Variants in ERBIN observed in about 807,000 individuals in gnomAD.
The protein encoded by ERBIN is erbb2 interacting protein.
A neutral mutation model predicts 158.4 loss-of-function variants in ERBIN; 60 were observed. The ratio of observed to expected loss-of-function variants is 0.38; its 90% CI spans 0.31 to 0.47. The LOEUF (loss-of-function observed/expected upper bound fraction) is 0.47. Ranked by LOEUF, ERBIN falls within the 20% of genes least tolerant of loss-of-function variation. ERBIN has a pLI of 0.99. For missense variants in ERBIN, 1,610 were observed against 1,648.0 expected, an observed-to-expected ratio of 0.98 and a Z score of 0.40; for synonymous variants, 594 against 557.2, an observed-to-expected ratio of 1.07 and a Z score of -0.93.
In ERBIN at chr5:66,078,405, G is replaced by A. The variant is rs549948333; in HGVS notation, c.4132-18G>A. 6.3e-6 allele frequency: 9 copies of A among 1,434,618 alleles called. No individual in the cohort carries two copies. In the Admixed American group the frequency reaches 1.7e-4, roughly 27 times the overall value. The allele number at this position is 1,434,618 out of a possible 1,614,324, so 88.9% of individuals were successfully genotyped here. On this transcript the variant is annotated intron_variant, in intron 25 of 25. Transcript: ENST00000284037. ...TAACTATAAAATGTTTTTCCTAAAA[G>A]CATTTTTCCTCTTCTAGGCTAATGG...
intron 2 of ERBIN, among the ~76,000 whole-genome samples, chr5:65,988,883 T>C (rs1222711292): frequency 6.8e-6 from 1 of 146,406 alleles, no homozygotes; most frequent in Non-Finnish European, 1.5e-5. Context: ...CTTGGGAGGC[T>C]GAGGTGGGAG....
chr5:66,061,730 G>A (rs1459811804), intron 21 of ERBIN, among the ~76,000 whole-genome samples: 1 of 152,156 alleles, frequency 6.6e-6, no homozygotes, highest in African/African-American at 2.4e-5. Context: ...CTCTTTTAGG[G>A]CAGGCCTGGT....
chr5:66,076,747 A>T lies in ERBIN; in HGVS notation c.4057-128A>T, dbSNP rs1762016366. 5.6e-6 allele frequency: 4 copies of T among 707,978 alleles called. No homozygotes were observed. In the Admixed American group the frequency reaches 1.1e-4, roughly 19 times the overall value. The allele number at this position is 707,978 out of a possible 1,614,324, so 43.9% of individuals were successfully genotyped here. A position where few individuals can be genotyped will look rare whatever the true frequency, so the allele number is the denominator to read the frequency against. On this transcript the variant is annotated intron_variant, in intron 24 of 25. Transcript: ENST00000284037. ...TAACTAGTTTGTTACAGTATTACTCAGAGAAGTCAGGGAGAAAACTTGTAC... is the reference window on the plus strand; with the variant it reads ...TAACTAGTTTGTTACAGTATTACTCTGAGAAGTCAGGGAGAAAACTTGTAC...
chr5:66,056,953 T>G (rs1759645091), intron 21 of ERBIN, among the ~76,000 whole-genome samples: 1 of 152,214 alleles, frequency 6.6e-6, no homozygotes, highest in Non-Finnish European at 1.5e-5. Flanking sequence ...TTATTCTCCA[T>G]GTCTTTCTTA....
chr5:66,026,788 G>A (rs1756303844), intron 13 of ERBIN, among the ~76,000 whole-genome samples: 1 of 151,858 alleles, frequency 6.6e-6, no homozygotes, highest in African/African-American at 2.4e-5. Context: ...ATCATACGGT[G>A]GTTGTTACTG....
Position 65,992,895 on chromosome 5 carries a change from A to C in ERBIN, c.177A>C (p.Glu59Asp). 6.3e-7 allele frequency: 1 copy of C among 1,596,174 alleles called. No individual in the cohort carries two copies. The highest frequency in any genetic ancestry group is 8.5e-7 in the Non-Finnish European group (1 of 1,173,964). ...TCTATTTAGATGCTAATCAGATTGA[A>C]GAGCTTCCAAAGGTATGCTAATACT... ...EELYLDANQI[E>D]ELPKQLFNCQ... The change falls in exon 3 of 26, where the codon GAA becomes GAC. Residue 59 changes from glutamate (E) to aspartate (D), a missense_variant. Glu to Asp is a conservative substitution (Grantham distance 45). Transcript: ENST00000284037.
chr5:66,069,456 A>T (rs907232985), intron 21 of ERBIN, among the ~76,000 whole-genome samples: 4 of 152,256 alleles, frequency 2.6e-5, no homozygotes, highest in African/African-American at 9.6e-5. Context: ...AATGTTAATC[A>T]TAATTCACTG....
At chr5:65,928,246 CT>C (rs368780657) in intron 1 of ERBIN, among the ~76,000 whole-genome samples, 32 of 143,248 alleles carry the variant, frequency 2.2e-4, no homozygotes, top group Non-Finnish European at 3.1e-4. Context: ...TCAGGAGATT[CT>C]TTTTTTTTTT....
intron 1 of ERBIN, among the ~76,000 whole-genome samples, chr5:65,939,802 G>A (rs1293016717): frequency 6.6e-6 from 1 of 152,254 alleles, no homozygotes; most frequent in Non-Finnish European, 1.5e-5. Context: ...GCCAGCCTCG[G>A]CCTCCCGAGG....
In ERBIN at chr5:65,948,762, G is replaced by GTTTTTTTTTTTT. The variant is rs59712256; in HGVS notation, c.-58+21964_-58+21975dup. 4.7e-5 allele frequency among the ~76,000 whole-genome samples: 5 copies of GTTTTTTTTTTTT among 105,618 alleles called. 1 individual carries two copies. Among genetic ancestry groups the GTTTTTTTTTTTT allele is most frequent in the South Asian group, 6.7e-4 (2 of 2,970 alleles). The allele number at this position is 105,618 out of a possible 152,430, so 69.3% of individuals were successfully genotyped here. ...ATGACATACTGGAGTTCTGTTTTGC[G>GTTTTTTTTTTTT]TTTTTTTTTTTTTTTTTTTGAGACA... On this transcript the variant is annotated intron_variant, in intron 1 of 25. Transcript: ENST00000284037.
intron 4 of ERBIN, among the ~76,000 whole-genome samples, chr5:65,997,810 C>CT (rs1452096461): frequency 6.6e-6 from 1 of 152,140 alleles, no homozygotes; most frequent in Non-Finnish European, 1.5e-5. Context: ...AATCCTTCTC[C>CT]TATCAGTTTT....
intron 6 of ERBIN, among the ~76,000 whole-genome samples, chr5:66,013,845 A>G (rs941266187): frequency 6.6e-6 from 1 of 152,120 alleles, no homozygotes; most frequent in African/African-American, 2.4e-5. Context: ...AAAGAAAAAA[A>G]AAGTTTTCTT....
intron 1 of ERBIN, among the ~76,000 whole-genome samples, chr5:65,935,436 TTAAGG>T (rs1450438904): frequency 6.6e-6 from 1 of 152,178 alleles, no homozygotes; most frequent in Non-Finnish European, 1.5e-5. Context: ...TGTGAGGAAG[TTAAGG>T]TAAACATTTG....
At position 66,044,311 on chromosome 5, in the gene ERBIN, G is replaced by T; in HGVS notation, c.1602+1G>T. 2 of 1,579,576 alleles carry T rather than the reference G, an allele frequency of 1.3e-6. No homozygotes were observed. Among genetic ancestry groups the T allele is most frequent in the South Asian group, 1.2e-5 (1 of 84,396 alleles). On this transcript the variant is annotated splice_donor_variant, in intron 17 of 25. Coordinates refer to ENST00000284037, the MANE Select transcript of ERBIN (RefSeq NM_001253697.2). LOFTEE classifies it high-confidence loss of function. ...TATAAATAAAGATGTGGGTGTGAAG[G>T]TTAGAAAATTCAAAAGGATTAACCA...
intron 22 of ERBIN, among the ~76,000 whole-genome samples, chr5:66,074,234 T>G (rs1761782181): frequency 6.6e-6 from 1 of 151,978 alleles, no homozygotes; most frequent in Non-Finnish European, 1.5e-5. Flanking sequence ...AATAAGCTAT[T>G]AGCCACATTT....
chr5:65,960,303 T>G (rs1747764997), intron 1 of ERBIN, among the ~76,000 whole-genome samples: 1 of 152,160 alleles, frequency 6.6e-6, no homozygotes, highest in Non-Finnish European at 1.5e-5. Context: ...GCTATAGCAT[T>G]AGAAATATGA....
At chr5:65,964,789 C>T (rs1439507612) in intron 1 of ERBIN, among the ~76,000 whole-genome samples, 1 of 136,094 alleles carries the variant, frequency 7.3e-6, no homozygotes, top group Non-Finnish European at 1.5e-5. Flanking sequence ...GTCACCCAGA[C>T]TAGAGTGCAG....
chr5:65,937,690 C>G (rs979080658), intron 1 of ERBIN, among the ~76,000 whole-genome samples: 1 of 152,104 alleles, frequency 6.6e-6, no homozygotes, highest in Non-Finnish European at 1.5e-5. Context: ...GGGCGGATCA[C>G]GAGGTCAGGA....
chr5:65,969,107 G>A (rs1020257777), intron 1 of ERBIN, among the ~76,000 whole-genome samples: 4 of 152,096 alleles, frequency 2.6e-5, no homozygotes, highest in Non-Finnish European at 5.9e-5. Flanking sequence ...AAATGCTAAT[G>A]TGTCAATTTC....
Sources: gnomAD v4.1 joint callset for allele counts (sites outside exome capture counted in the v4.1 genomes callset) on GRCh38, gnomAD v4.1.1 for gene constraint, MANE v1.5 for transcripts, NCBI Gene and HGNC (gene_info 2026-07-23, HGNC 2026-07-21) for gene names.